The following PCDHB7 variants were observed in gnomAD, a reference collection of about 807,000 sequenced individuals.
PCDHB7 encodes protocadherin beta 7, also known as protocadherin beta-7.
For synonymous variants in PCDHB7, 542 were observed against 463.1 expected, an observed-to-expected ratio of 1.17 and a Z score of -2.19; for missense variants, 1,148 against 1,011.6, an observed-to-expected ratio of 1.13 and a Z score of -1.83.
In PCDHB7 at chr5:141,173,881, T is replaced by G. The variant is rs1554280081; in HGVS notation, c.1046T>G (p.Leu349Arg). 1.2e-6 allele frequency: 2 copies of G among 1,613,476 alleles called. No individual in the cohort carries two copies. Among genetic ancestry groups the G allele is most frequent in the Non-Finnish European group, 1.7e-6 (2 of 1,179,516 alleles). ...AACGATAATCGACCCGAGCTGCTCC[T>G]GTCTTCACTTACTAGCCCAATTGCA... ...DINDNRPELL[L>R]SSLTSPIAEN... Residue 349 changes from leucine (L) to arginine (R), a missense_variant, in exon 1 of 1, where the codon CTG becomes CGG. Coordinates refer to ENST00000231137, the MANE Select transcript of PCDHB7 (RefSeq NM_018940.4).
rs782575813 is a variant in PCDHB7, at chr5:141,173,174, T to A, written c.339T>A (p.Pro113=). The stretch of plus-strand genomic sequence containing the variant: ...CTTTCCAGTTGTTATTGGAAAAACC[T>A]TTTCAGATTTTCCGTGCTGAACTAT... The part of the protein sequence containing the change: ...VLPFQLLLEK[P]FQIFRAELWV... The change falls in exon 1 of 1, where the codon CCT becomes CCA. Residue 113 remains proline, a synonymous_variant. Transcript: ENST00000231137. 2 of 1,613,650 alleles carry A rather than the reference T, an allele frequency of 1.2e-6. No homozygotes were observed. The highest frequency in any genetic ancestry group is 2.2e-5 in the South Asian group (2 of 91,046).
Position 141,173,384 on chromosome 5 carries a change from T to C in PCDHB7, c.549T>C (p.His183=). The C allele has an allele frequency of 1.2e-6, 2 of 1,614,112 alleles. No homozygotes were observed. The highest frequency in any genetic ancestry group is 1.6e-4 in the Middle Eastern group (1 of 6,062). ...ATGCCTATTTCCATATTAATGTCCA[T>C]GATAGCGGGGAGGGGAATATCTATC... The part of the protein sequence containing the change: ...SPNAYFHINV[H]DSGEGNIYPE... The change falls in exon 1 of 1, where the codon CAT becomes CAC. Residue 183 remains histidine (H), a synonymous_variant. Coordinates refer to ENST00000231137, the MANE Select transcript of PCDHB7 (RefSeq NM_018940.4).
chr5:141,172,749 C>A lies in PCDHB7; in HGVS notation c.-87C>A. 3.8e-6 allele frequency: 4 copies of A among 1,064,786 alleles called. No individual in the cohort carries two copies. The highest frequency in any genetic ancestry group is 5.6e-6 in the Non-Finnish European group (4 of 716,196). 66.0% of individuals were successfully genotyped at this position (1,064,786 alleles called of 1,614,324 possible). On this transcript the variant is annotated 5_prime_UTR_variant, in exon 1 of 1. Transcript: ENST00000231137. Reference sequence around the variant, plus strand: ...CCCCACAAACATTGCTATTATTCAGCTCATTTCAAAGGATTCCGCTGCTGC... The same window carrying A: ...CCCCACAAACATTGCTATTATTCAGATCATTTCAAAGGATTCCGCTGCTGC...
rs1753286414 is a variant in PCDHB7, at chr5:141,173,903, T to A, written c.1068T>A (p.Ile356=). 1 of 1,612,606 alleles carries A rather than the reference T, an allele frequency of 6.2e-7. No individual in the cohort carries two copies. The change falls in exon 1 of 1, where the codon ATT becomes ATA. Residue 356 remains isoleucine (I), a synonymous_variant. Coordinates refer to ENST00000231137, the MANE Select transcript of PCDHB7 (RefSeq NM_018940.4). ...TCCTGTCTTCACTTACTAGCCCAAT[T>A]GCAGAAAACTCACCCGAGACAGTCG... ...ELLLSSLTSP[I]AENSPETVVA...
chr5:141,174,307 T>C lies in PCDHB7; in HGVS notation c.1472T>C (p.Leu491Pro). 2 of 1,612,508 alleles carry C rather than the reference T, an allele frequency of 1.2e-6. No homozygotes were observed. Among genetic ancestry groups the C allele is most frequent in the Non-Finnish European group, 1.7e-6 (2 of 1,179,624 alleles). Residue 491 changes from leucine (L) to proline (P), a missense_variant, in exon 1 of 1, where the codon CTG becomes CCG. Transcript: ENST00000231137. ...GTNAQVIYSL[L>P]PSQDPHLPLA... ...AACGCCCAGGTCATCTACTCCCTGC[T>C]GCCGTCCCAGGACCCGCACCTGCCC...
Position 141,173,273 on chromosome 5 carries a change from C to T in PCDHB7, c.438C>T (p.Thr146=), listed in dbSNP as rs374596628. The part of the protein sequence containing the change: ...REISLKILES[T]TPGAAFLLES... ...TTTCCTTGAAAATATTAGAAAGTAC[C>T]ACTCCAGGGGCGGCATTTCTCCTAG... is the stretch of plus-strand genomic sequence containing the variant. Residue 146 remains threonine (T), a synonymous_variant, in exon 1 of 1, where the codon ACC becomes ACT. Transcript: ENST00000231137. 1 of 1,614,060 alleles carries T rather than the reference C, an allele frequency of 6.2e-7. No homozygotes were observed. Among genetic ancestry groups the T allele is most frequent in the African/African-American group, 1.3e-5 (1 of 74,996 alleles).
At position 141,174,732 on chromosome 5, in the gene PCDHB7, C is replaced by G. The variant is rs781789532; in HGVS notation, c.1897C>G (p.Arg633Gly). The change falls in exon 1 of 1, where the codon CGC becomes GGC. Residue 633 changes from arginine to glycine, a missense_variant. Arg to Gly is a moderately radical substitution (Grantham distance 125). Transcript: ENST00000231137. ...EVRTARLLSE[R>G]DAAKQRLVVL... is the part of the protein sequence containing the mutation. Reference sequence around the variant, plus strand: ...GCGTACCGCCAGGCTGCTGAGCGAGCGCGACGCAGCCAAGCAGAGGCTGGT... The same window carrying G: ...GCGTACCGCCAGGCTGCTGAGCGAGGGCGACGCAGCCAAGCAGAGGCTGGT... 1.2e-6 allele frequency: 2 copies of G among 1,611,082 alleles called. No individual in the cohort carries two copies. The highest frequency in any genetic ancestry group is 1.7e-5 in the Admixed American group (1 of 60,010).
At position 141,174,315 on chromosome 5, in the gene PCDHB7, C is replaced by T. The variant is rs782403196; in HGVS notation, c.1480C>T (p.Gln494Ter). The T allele has an allele frequency of 9.3e-6, 15 of 1,612,826 alleles. No individual in the cohort carries two copies. Among genetic ancestry groups the T allele is most frequent in the Non-Finnish European group, 1.3e-5 (15 of 1,179,940 alleles). The change falls in exon 1 of 1, where the codon CAG becomes TAG. Residue 494 changes from glutamine to a stop codon, truncating the protein, a stop_gained. Coordinates refer to ENST00000231137, the MANE Select transcript of PCDHB7 (RefSeq NM_018940.4). LOFTEE classifies it low-confidence loss of function (END_TRUNC). ...GGTCATCTACTCCCTGCTGCCGTCC[C>T]AGGACCCGCACCTGCCCCTCGCCTC... Reference protein sequence around the residue: ...AQVIYSLLPSQDPHLPLASLV... With the variant: ...AQVIYSLLPS
Position 141,175,921 on chromosome 5 carries a change from A to G in PCDHB7, c.*704A>G, listed in dbSNP as rs548651314. ...TCTATATTTAGAAATAATAATGTAC[A>G]TATTTATCTATGGTTTTATTTTCTT... is the stretch of plus-strand genomic sequence containing the variant. On this transcript the variant is annotated 3_prime_UTR_variant, in exon 1 of 1. Transcript: ENST00000231137. 1 of 167,112 alleles carries G rather than the reference A, an allele frequency of 6.0e-6. No homozygotes were observed. Among genetic ancestry groups the G allele is most frequent in the Non-Finnish European group, 1.5e-5 (1 of 68,200 alleles). 10.4% of individuals were successfully genotyped at this position (167,112 alleles called of 1,614,324 possible). A position where few individuals can be genotyped will look rare whatever the true frequency, so the allele number is the denominator to read the frequency against.
In PCDHB7 at chr5:141,172,943, G is replaced by A. The variant is rs782310721; in HGVS notation, c.108G>A (p.Ala36=). 2.3e-5 allele frequency: 37 copies of A among 1,614,218 alleles called. No individual in the cohort carries two copies. Among genetic ancestry groups the A allele is most frequent in the Admixed American group, 1.8e-4 (11 of 60,026 alleles). The change falls in exon 1 of 1, where the codon GCG becomes GCA. Residue 36 remains alanine (A), a synonymous_variant. Transcript: ENST00000231137. ...AGAEPLRYFV[A]EETERGTFLT... Reference sequence around the variant, plus strand: ...CCGAACCGCTTCGGTATTTTGTGGCGGAGGAAACCGAGAGAGGCACCTTTC... The same window carrying A: ...CCGAACCGCTTCGGTATTTTGTGGCAGAGGAAACCGAGAGAGGCACCTTTC...
Position 141,175,290 on chromosome 5 carries a change from G to T in PCDHB7, c.*73G>T. On this transcript the variant is annotated 3_prime_UTR_variant, in exon 1 of 1. Transcript: ENST00000231137. The stretch of plus-strand genomic sequence containing the variant: ...GAACTTATTGCGAGGTTCCCTTAAG[G>T]GAGTGTCTTTACATCATTTCAAATA... The T allele has an allele frequency of 7.1e-7, 1 of 1,410,952 alleles. No homozygotes were observed. The highest frequency in any genetic ancestry group is 9.6e-7 in the Non-Finnish European group (1 of 1,037,642). The allele number at this position is 1,410,952 out of a possible 1,614,324, so 87.4% of individuals were successfully genotyped here.
At position 141,174,275 on chromosome 5, in the gene PCDHB7, G is replaced by A. The variant is rs2907330; in HGVS notation, c.1440G>A (p.Ser480=). Residue 480 remains serine, a synonymous_variant, in exon 1 of 1, where the codon TCG becomes TCA. Coordinates refer to ENST00000231137, the MANE Select transcript of PCDHB7 (RefSeq NM_018940.4). ...IGSVSATDRD[S]GTNAQVIYSL... ...GTGTCAGCGCCACAGACAGAGACTC[G>A]GGCACCAACGCCCAGGTCATCTACT... The A allele has an allele frequency of 0.59, 944,038 of 1,612,752 alleles. 277,151 individuals are homozygous for A. The highest frequency in any genetic ancestry group is 0.68 in the East Asian group (30,353 of 44,854).
At position 141,172,709 on chromosome 5, in the gene PCDHB7, A is replaced by C. The variant is rs1321855096; in HGVS notation, c.-127A>C. On this transcript the variant is annotated 5_prime_UTR_variant, in exon 1 of 1. Coordinates refer to ENST00000231137, the MANE Select transcript of PCDHB7 (RefSeq NM_018940.4). ...AAACAGTGGTAATAGGAATTGGGGT[A>C]AAATGAGGATCCTTCCCCACAAACA... The C allele has an allele frequency of 4.0e-6, 3 of 741,486 alleles. No homozygotes were observed. The East Asian group carries it at 7.8e-5, about 19-fold the overall frequency. 45.9% of individuals were successfully genotyped at this position (741,486 alleles called of 1,614,324 possible).
Position 141,174,569 on chromosome 5 carries a change from G to C in PCDHB7, c.1734G>C (p.Arg578=). Residue 578 remains arginine (R), a synonymous_variant, in exon 1 of 1, where the codon CGG becomes CGC. Transcript: ENST00000231137. ...SSAPCTEPLP[R]AAEPGYLVTK... ...CGCCCTGCACCGAGCCGTTGCCCCG[G>C]GCGGCCGAGCCGGGCTACCTGGTGA... 1.2e-6 allele frequency: 2 copies of C among 1,610,340 alleles called. No homozygotes were observed. The highest frequency in any genetic ancestry group is 1.7e-6 in the Non-Finnish European group (2 of 1,179,644).
In PCDHB7 at chr5:141,176,135, A is replaced by C. The variant is rs534222207; in HGVS notation, c.*918A>C. ...TGAGTAGGAATATTACATAATTTTG[A>C]TTGCATCATTAGTTAATTATTTTCT... On this transcript the variant is annotated 3_prime_UTR_variant, in exon 1 of 1. Coordinates refer to ENST00000231137, the MANE Select transcript of PCDHB7 (RefSeq NM_018940.4). 4.2e-5 allele frequency: 7 copies of C among 167,256 alleles called. No homozygotes were observed. The South Asian group carries it at 1.4e-3, about 35-fold the overall frequency. The allele number at this position is 167,256 out of a possible 1,614,324, so 10.4% of individuals were successfully genotyped here. A position where few individuals can be genotyped will look rare whatever the true frequency, so the allele number is the denominator to read the frequency against.
chr5:141,174,386 G>A lies in PCDHB7; in HGVS notation c.1551G>A (p.Arg517=). Residue 517 remains arginine (R), a synonymous_variant, in exon 1 of 1, where the codon AGG becomes AGA. Transcript: ENST00000231137. ...ACAACGGCCACCTGTTTGCCCTCAG[G>A]TCCCTGGACTACGAGGCCCTGCAGG... ...NADNGHLFAL[R]SLDYEALQAF... 6.2e-7 allele frequency: 1 copy of A among 1,612,592 alleles called. No individual in the cohort carries two copies. The highest frequency in any genetic ancestry group is 2.2e-5 in the East Asian group (1 of 44,836).
At position 141,173,537 on chromosome 5, in the gene PCDHB7, C is replaced by CG. The variant is rs782733059; in HGVS notation, c.703dup (p.Val235GlyfsTer3). On this transcript the variant is annotated frameshift_variant, in exon 1 of 1. Transcript: ENST00000231137. LOFTEE classifies it low-confidence loss of function (END_TRUNC). ...CCCTCGTGCGCATTCTGGTTCTAGA[C>CG]GTAAATGACAACGCCCCTGATTTTG... is the stretch of plus-strand genomic sequence containing the variant. 21 of 1,613,592 alleles carry CG rather than the reference C, an allele frequency of 1.3e-5. 1 individual carries two copies. In the South Asian group the frequency reaches 2.3e-4, roughly 18 times the overall value.
rs187690757 is a variant in PCDHB7 at position 141,173,072 on chromosome 5, G to T, written c.237G>T (p.Ser79=). 115 of 1,614,134 alleles carry T rather than the reference G, an allele frequency of 7.1e-5. No individual in the cohort carries two copies. The highest frequency in any genetic ancestry group is 3.2e-4 in the Admixed American group (19 of 60,010). The change falls in exon 1 of 1, where the codon TCG becomes TCT. Residue 79 remains serine (S), a synonymous_variant. Coordinates refer to ENST00000231137, the MANE Select transcript of PCDHB7 (RefSeq NM_018940.4). ...DQNMQILLLS[S]LTGDLLLNEK... The stretch of plus-strand genomic sequence containing the variant: ...ACATGCAAATTTTACTGCTCAGTTC[G>T]CTTACTGGTGATCTACTTCTAAATG...
In PCDHB7 at chr5:141,172,975, A is replaced by G. The variant is rs1554279871; in HGVS notation, c.140A>G (p.Asn47Ser). ...ACCGAGAGAGGCACCTTTCTTACCA[A>G]CTTGGCAAAAGACCTAGGGTTAGGG... ...EETERGTFLTNLAKDLGLGVG... is the reference protein window; with the variant it reads ...EETERGTFLTSLAKDLGLGVG... Residue 47 changes from asparagine (N) to serine (S), a missense_variant, in exon 1 of 1, where the codon AAC becomes AGC. Coordinates refer to ENST00000231137, the MANE Select transcript of PCDHB7 (RefSeq NM_018940.4). 3 of 1,614,172 alleles carry G rather than the reference A, an allele frequency of 1.9e-6. No individual in the cohort carries two copies. Among genetic ancestry groups the G allele is most frequent in the Non-Finnish European group, 2.5e-6 (3 of 1,180,028 alleles).
Sources: allele counts gnomAD v4.1 joint callset, GRCh38; gene constraint gnomAD v4.1.1; transcripts MANE v1.5; gene names NCBI Gene and HGNC (gene_info 2026-07-23, HGNC 2026-07-21).